Variants in GNS observed in about 807,000 individuals in gnomAD.
GNS encodes glucosamine (N-acetyl)-6-sulfatase.
A neutral mutation model predicts 69.7 loss-of-function variants in GNS; 40 were observed. The ratio of observed to expected loss-of-function variants is 0.57; its 90% CI spans 0.45 to 0.75. GNS has a LOEUF of 0.75. GNS is among the 30% of genes least tolerant of loss of function. GNS has a pLI of 0.00. For missense variants in GNS, 565 were observed against 685.5 expected, an observed-to-expected ratio of 0.82 and a Z score of 1.96; for synonymous variants, 243 against 251.6, an observed-to-expected ratio of 0.97 and a Z score of 0.32.
chr12:64,743,478 TTTG>T (rs1183323272), intron 5 of GNS, among the ~76,000 whole-genome samples, 170 bp from the exon 6 acceptor site: 1 of 152,268 alleles, frequency 6.6e-6, no homozygotes, highest in East Asian at 1.9e-4. Flanking sequence ...AACAAATATA[TTTG>T]TTTTTTAGGC....
chr12:64,747,911 G>A lies in GNS; in HGVS notation c.260C>T (p.Pro87Leu), dbSNP rs1310398579. ...TCTGCTGGGGCAGCAGAGAGCACTTGGCACATACTACAAAGGAAAGGAAGC... is the reference window on the plus strand; with the variant it reads ...TCTGCTGGGGCAGCAGAGAGCACTTAGCACATACTACAAAGGAAAGGAAGC... ...MGMTFSSAYV[P>L]SALCCPSRAS... Residue 87 changes from proline (P) to leucine (L), a missense_variant, in exon 3 of 14, where the codon CCA becomes CTA. Transcript: ENST00000258145. The A allele has an allele frequency of 1.9e-6, 3 of 1,584,392 alleles. No individual in the cohort carries two copies. Among genetic ancestry groups the A allele is most frequent in the South Asian group, 1.1e-5 (1 of 90,494 alleles).
At position 64,758,308 on chromosome 12, in the gene GNS, CCTTTTTTTT is replaced by C. The variant is rs1288591886; in HGVS notation, c.192+768_192+776del. On this transcript the variant is annotated intron_variant, in intron 1 of 13. Transcript: ENST00000258145. Reference sequence around the variant, plus strand: ...GCCTACCAGATTAGTTCACTTCAGGCCTTTTTTTTTTTTTTTTTTTTTTTTTTTTTTTGG... The same window carrying C: ...GCCTACCAGATTAGTTCACTTCAGGCTTTTTTTTTTTTTTTTTTTTTTTGG... 1.1e-4 allele frequency among the ~76,000 whole-genome samples: 13 copies of C among 115,702 alleles called. 1 individual carries two copies. The East Asian group carries it at 3.2e-3, about 28-fold the overall frequency. 75.9% of individuals were successfully genotyped at this position (115,702 alleles called of 152,430 possible).
At chr12:64,719,887 TGCAATTAGAACACA>T in intron 13 of GNS, 121 bp downstream of exon 13, 1 of 721,598 alleles carries the variant, frequency 1.4e-6, no homozygotes, top group Admixed American at 2.1e-5. Flanking sequence ...AACGGGCTGA[TGCAATTAGAACACA>T]GTATTCCCTC....
intron 9 of GNS, 82 bp from the exon 10 acceptor site, chr12:64,729,139 C>T (rs541797683): frequency 1.5e-4 from 117 of 780,748 alleles, no homozygotes; most frequent in Admixed American, 9.3e-4. Context: ...CTCTTCCCCC[C>T]ACCCCGCCCA....
intron 1 of GNS, chr12:64,756,643 G>T: frequency 3.7e-6 from 3 of 818,692 alleles, no homozygotes; most frequent in Non-Finnish European, 6.1e-6. Flanking sequence ...GATGACTGAA[G>T]CACAAGTATA....
intron 5 of GNS, among the ~76,000 whole-genome samples, chr12:64,743,823 C>A (rs946555590): frequency 3.3e-5 from 5 of 152,172 alleles, no homozygotes; most frequent in Admixed American, 3.3e-4. Context: ...AATACATGGA[C>A]TTAAGTTTTG....
intron 1 of GNS, among the ~76,000 whole-genome samples, chr12:64,758,422 A>G (rs1211295132): frequency 6.8e-6 from 1 of 146,774 alleles, no homozygotes; most frequent in Non-Finnish European, 1.5e-5. Context: ...TCCCGGGTTC[A>G]AGCGATTCTC....
chr12:64,751,201 T>C (rs920737929), intron 2 of GNS, among the ~76,000 whole-genome samples: 5 of 152,184 alleles, frequency 3.3e-5, no homozygotes, highest in African/African-American at 1.2e-4. Context: ...TTATATAGAA[T>C]AAAAAGAAAT....
intron 11 of GNS, among the ~76,000 whole-genome samples, chr12:64,722,268 T>C (rs543150944): frequency 6.6e-6 from 1 of 152,256 alleles, no homozygotes; most frequent in African/African-American, 2.4e-5. Flanking sequence ...TCCACCCGCC[T>C]TGGCCTCCCA....
chr12:64,731,251 A>G (rs1415793452), intron 9 of GNS, among the ~76,000 whole-genome samples: 1 of 152,026 alleles, frequency 6.6e-6, no homozygotes, highest in African/African-American at 2.4e-5. Flanking sequence ...TAAATTTTGT[A>G]TTTTTTTATT....
Position 64,759,352 on chromosome 12 carries a change from G to C in GNS, c.-76C>G, listed in dbSNP as rs928980516. On this transcript the variant is annotated 5_prime_UTR_variant, in exon 1 of 14. Coordinates refer to ENST00000258145, the MANE Select transcript of GNS (RefSeq NM_002076.4). Reference sequence around the variant, plus strand: ...ACAGGTAGCTGAAGGGCGAGAGGCCGACCAGCCGAAGGAATAAAAAGCCGT... The same window carrying C: ...ACAGGTAGCTGAAGGGCGAGAGGCCCACCAGCCGAAGGAATAAAAAGCCGT... 1 of 1,010,320 alleles carries C rather than the reference G, an allele frequency of 9.9e-7. No individual in the cohort carries two copies. The highest frequency in any genetic ancestry group is 1.6e-5 in the African/African-American group (1 of 61,560). 62.6% of individuals were successfully genotyped at this position (1,010,320 alleles called of 1,614,324 possible). A position where few individuals can be genotyped will look rare whatever the true frequency, so the allele number is the denominator to read the frequency against.
intron 1 of GNS, among the ~76,000 whole-genome samples, chr12:64,758,230 G>A (rs1870325629): frequency 6.7e-6 from 1 of 148,310 alleles, no homozygotes; most frequent in African/African-American, 2.5e-5. Context: ...CACACTAATT[G>A]AATTTTCTTG....
intron 10 of GNS, among the ~76,000 whole-genome samples, chr12:64,727,835 T>C (rs926106189): frequency 2.0e-5 from 3 of 152,132 alleles, no homozygotes; most frequent in Non-Finnish European, 4.4e-5. Flanking sequence ...CCTGGGAGTT[T>C]AGGGTGATGA....
In GNS at chr12:64,728,983, CATCT is replaced by C; in HGVS notation, c.1169_1172del (p.Gln390ArgfsTer10). 2.5e-6 allele frequency: 4 copies of C among 1,583,116 alleles called. No individual in the cohort carries two copies. The highest frequency in any genetic ancestry group is 3.5e-6 in the Non-Finnish European group (4 of 1,151,782). ...AAATGGGCAATAAGGACATCCCATC[CATCT>C]GTGTCTTATTTAGGTCGTAGCCAGC... On this transcript the variant is annotated frameshift_variant, in exon 10 of 14. Coordinates refer to ENST00000258145, the MANE Select transcript of GNS (RefSeq NM_002076.4). LOFTEE classifies it high-confidence loss of function.
chr12:64,732,166 G>GTTTTTTT (rs1565883223), intron 9 of GNS, among the ~76,000 whole-genome samples: 2 of 98,592 alleles, frequency 2.0e-5, no homozygotes, highest in South Asian at 4.0e-4. Flanking sequence ...TTTTTTTTTT[G>GTTTTTTT]TTGTTTTTTT....
chr12:64,757,890 T>TGGA (rs1312446125), intron 1 of GNS, among the ~76,000 whole-genome samples: 3 of 152,254 alleles, frequency 2.0e-5, no homozygotes, highest in African/African-American at 7.2e-5. Context: ...ACGTCTTGCC[T>TGGA]GGAGTATTTC....
At chr12:64,739,873 G>C (rs1869677705) in intron 7 of GNS, among the ~76,000 whole-genome samples, 1 of 152,226 alleles carries the variant, frequency 6.6e-6, no homozygotes, top group Admixed American at 6.5e-5. Flanking sequence ...TCCATTCTCA[G>C]TACTGTGTAT....
intron 7 of GNS, among the ~76,000 whole-genome samples, chr12:64,739,960 A>G (rs142369355): frequency 1.2e-4 from 19 of 152,316 alleles, no homozygotes; most frequent in Admixed American, 3.9e-4. Context: ...GCTATGACTC[A>G]TGGGCCAAAG....
intron 1 of GNS, among the ~76,000 whole-genome samples, chr12:64,757,489 A>C (rs1322967010): frequency 2.0e-5 from 3 of 152,158 alleles, no homozygotes; most frequent in African/African-American, 7.2e-5. Context: ...TAGTGAACCT[A>C]AAGTGTAGGA....
Sources: gnomAD v4.1 joint callset for allele counts (sites outside exome capture counted in the v4.1 genomes callset) on GRCh38, gnomAD v4.1.1 for gene constraint, MANE v1.5 for transcripts, NCBI Gene and HGNC (gene_info 2026-07-23, HGNC 2026-07-21) for gene names.